Variants in TPST1 observed in about 807,000 individuals in gnomAD.
TPST1 encodes tyrosylprotein sulfotransferase 1.
A neutral mutation model predicts 34.8 loss-of-function variants in TPST1; 20 were observed. That is an observed-to-expected ratio of 0.57 (90% CI 0.40 to 0.84). The LOEUF (loss-of-function observed/expected upper bound fraction) is 0.84, where lower values mean the gene tolerates loss of function less well. TPST1 is among the 40% of genes least tolerant of loss of function. The pLI, the probability that TPST1 is intolerant of heterozygous loss-of-function variation, is 0.00. For missense variants in TPST1, 353 were observed against 455.5 expected (o/e 0.78, Z 2.05); for synonymous variants, 152 against 159.4 (o/e 0.95, Z 0.35).
chr7:66,261,819 T>G (rs1052921780), intron 2 of TPST1, among the ~76,000 whole-genome samples: 2 of 152,152 alleles, frequency 1.3e-5, no homozygotes, highest in Non-Finnish European at 2.9e-5. Flanking sequence ...GTCATAGGGT[T>G]GTTAATAAGG....
chr7:66,260,202 T>C (rs896681263), intron 2 of TPST1, among the ~76,000 whole-genome samples: 5 of 152,244 alleles, frequency 3.3e-5, no homozygotes, highest in Admixed American at 6.5e-5. Flanking sequence ...TGCATATACC[T>C]GATTAGATAT....
chr7:66,339,042 G>C (rs1272331192), intron 3 of TPST1, among the ~76,000 whole-genome samples: 1 of 135,932 alleles, frequency 7.4e-6, no homozygotes, highest in African/African-American at 2.7e-5. Flanking sequence ...AAAGATCAAT[G>C]AAATGAAAAT....
intron 2 of TPST1, among the ~76,000 whole-genome samples, chr7:66,243,536 C>T (rs1416680227): frequency 1.3e-5 from 2 of 151,714 alleles, no homozygotes; most frequent in Non-Finnish European, 2.9e-5. Flanking sequence ...CTCCATCTCC[C>T]AGGCTCAGGT....
chr7:66,303,165 A>G (rs1791351481), intron 3 of TPST1, among the ~76,000 whole-genome samples: 1 of 152,220 alleles, frequency 6.6e-6, no homozygotes, highest in African/African-American at 2.4e-5. Context: ...TGCTGCTTTT[A>G]AACTAAGGAC....
chr7:66,204,239 G>A (rs962508791), upstream of TPST1, among the ~76,000 whole-genome samples: 3 of 152,066 alleles, frequency 2.0e-5, no homozygotes, highest in Non-Finnish European at 4.4e-5. Flanking sequence ...ATGAAGTGCC[G>A]ATACATGCTA....
chr7:66,230,496 G>A (rs545313547), intron 1 of TPST1, among the ~76,000 whole-genome samples: 160 of 152,186 alleles, frequency 1.1e-3, no homozygotes, highest in African/African-American at 3.5e-3. Context: ...TCATGGTCTC[G>A]CTGGCTCAGG....
intron 1 of TPST1, among the ~76,000 whole-genome samples, chr7:66,231,862 G>A (rs907450392): frequency 2.0e-5 from 3 of 152,270 alleles, no homozygotes; most frequent in African/African-American, 7.2e-5. Flanking sequence ...CGCCCAGAGC[G>A]AGCAAGGGCT....
intron 2 of TPST1, among the ~76,000 whole-genome samples, chr7:66,278,513 A>G (rs1405929502): frequency 6.6e-6 from 1 of 152,064 alleles, no homozygotes; most frequent in Admixed American, 6.6e-5. Context: ...GGCCGGGCGC[A>G]GTGGCTCACG....
intron 2 of TPST1, among the ~76,000 whole-genome samples, chr7:66,243,941 A>ATTTTTTTTTTT (rs55829208): frequency 2.6e-5 from 3 of 116,234 alleles, no homozygotes; most frequent in African/African-American, 3.5e-5. Flanking sequence ...ATTCTGGGAA[A>ATTTTTTTTTTT]TTTTTTTTTT....
intron 1 of TPST1, among the ~76,000 whole-genome samples, chr7:66,225,581 C>T (rs957274988): frequency 9.6e-6 from 1 of 104,308 alleles, no homozygotes; most frequent in Non-Finnish European, 2.0e-5. Context: ...CATTGCACTC[C>T]AGCCTGGGTG....
At chr7:66,318,891 A>T (rs74760232) in intron 3 of TPST1, among the ~76,000 whole-genome samples, 2,227 of 152,324 alleles carry the variant, frequency 0.015, 61 homozygotes, top group East Asian at 0.093. Flanking sequence ...GTAATCTTCC[A>T]TCAGCACTTT....
At chr7:66,244,818 A>G (rs1790114800) in intron 2 of TPST1, among the ~76,000 whole-genome samples, 1 of 152,244 alleles carries the variant, frequency 6.6e-6, no homozygotes, top group Non-Finnish European at 1.5e-5. Context: ...AAGTACAGGA[A>G]TCACAACTAC....
At chr7:66,234,869 G>T (rs549075999) in intron 1 of TPST1, among the ~76,000 whole-genome samples, 1 of 152,018 alleles carries the variant, frequency 6.6e-6, no homozygotes, top group South Asian at 2.1e-4. Flanking sequence ...GTAGAGATGG[G>T]GTTTCACCGT....
At chr7:66,244,267 G>A (rs1790104333) in intron 2 of TPST1, among the ~76,000 whole-genome samples, 1 of 152,062 alleles carries the variant, frequency 6.6e-6, no homozygotes, top group Non-Finnish European at 1.5e-5. Flanking sequence ...ATTGTTTAAA[G>A]TAAATATTTT....
chr7:66,313,369 C>T (rs541560967), intron 3 of TPST1, among the ~76,000 whole-genome samples: 5 of 152,074 alleles, frequency 3.3e-5, no homozygotes, highest in Admixed American at 6.6e-5. Context: ...GAGCCAAGAT[C>T]ATGCCATAAC....
At chr7:66,217,879 T>G (rs1228982132) in intron 1 of TPST1, among the ~76,000 whole-genome samples, 1 of 145,794 alleles carries the variant, frequency 6.9e-6, no homozygotes, top group Non-Finnish European at 1.5e-5. Flanking sequence ...CCACCGCGCC[T>G]GGCCTTTTTC....
At chr7:66,358,737 T>TTAACAGCAGTTATCAGGCCTTGGC (rs1218343068) in intron 5 of TPST1, among the ~76,000 whole-genome samples, 2 of 152,222 alleles carry the variant, frequency 1.3e-5, no homozygotes, top group Admixed American at 6.5e-5. Context: ...GTCTGCATAT[T>TTAACAGCAGTTATCAGGCCTTGGC]TAACAGCAGT....
At chr7:66,273,872 G>C (rs887154911) in intron 2 of TPST1, among the ~76,000 whole-genome samples, 1 of 151,958 alleles carries the variant, frequency 6.6e-6, no homozygotes, top group Non-Finnish European at 1.5e-5. Context: ...GTGTGATCTT[G>C]GCTCACTGCA....
chr7:66,327,461 G>A (rs1000324176), intron 3 of TPST1, among the ~76,000 whole-genome samples: 1 of 152,114 alleles, frequency 6.6e-6, no homozygotes, highest in Non-Finnish European at 1.5e-5. Flanking sequence ...AGTGGTTCAC[G>A]CCTGTAATCC....
Sources: gnomAD v4.1 joint callset for allele counts (sites outside exome capture counted in the v4.1 genomes callset) on GRCh38, gnomAD v4.1.1 for gene constraint, MANE v1.5 for transcripts, NCBI Gene and HGNC (gene_info 2026-07-23, HGNC 2026-07-21) for gene names.